Variants in PRKAR2B observed in about 807,000 individuals in gnomAD.
PRKAR2B encodes the protein cAMP-dependent protein kinase type II-beta regulatory subunit.
Under a neutral mutation model 49.9 loss-of-function variants are expected in PRKAR2B, and 14 were observed. That is an observed-to-expected ratio of 0.28 (90% CI 0.19 to 0.44). The LOEUF is 0.44. PRKAR2B is among the 20% of genes least tolerant of loss of function. The pLI is 1.00. For synonymous variants in PRKAR2B, 196 were observed against 197.7 expected, an observed-to-expected ratio of 0.99 and a Z score of 0.07; for missense variants, 393 against 537.9, an observed-to-expected ratio of 0.73 and a Z score of 2.67.
At chr7:107,077,118 GTATAAT>G (rs1403553774) in intron 2 of PRKAR2B, 1 of 152,034 alleles carries the variant, frequency 6.6e-6, no homozygotes, top group East Asian at 1.9e-4. Context: ...CAATTTGCTG[GTATAAT>G]TATAGTTACA....
intron 2 of PRKAR2B, among the ~76,000 whole-genome samples, chr7:107,114,324 CTGTGTGTGTGTGTGTGTGTGTGTG>C (rs58110858): frequency 3.4e-3 from 449 of 130,934 alleles, no homozygotes; most frequent in Middle Eastern, 7.5e-3. Context: ...GCATGTACAG[CTGTGTGTGTGTGTGTGTGTGTGTG>C]TGTGTGTGTG....
chr7:107,044,862 G>T lies in PRKAR2B; in HGVS notation c.-46G>T. 6.6e-7 allele frequency: 1 copy of T among 1,518,508 alleles called. No homozygotes were observed. The allele number at this position is 1,518,508 out of a possible 1,614,324, so 94.1% of individuals were successfully genotyped here. A position where few individuals can be genotyped will look rare whatever the true frequency, so the allele number is the denominator to read the frequency against. On this transcript the variant is annotated 5_prime_UTR_variant, in exon 1 of 11. Transcript: ENST00000265717. ...CCGCGGGGCCCTAGGCCGTGCCGGG[G>T]AGGGGGCGAGGGCGGCGCCCAGGCG...
chr7:107,147,648 C>T (rs1795917250), intron 6 of PRKAR2B, among the ~76,000 whole-genome samples: 1 of 152,182 alleles, frequency 6.6e-6, no homozygotes, highest in Admixed American at 6.5e-5. Flanking sequence ...CATCAGCTCC[C>T]AGGAGATGGC....
intron 1 of PRKAR2B, among the ~76,000 whole-genome samples, chr7:107,051,775 T>C (rs992120529): frequency 6.6e-6 from 1 of 152,210 alleles, no homozygotes; most frequent in Non-Finnish European, 1.5e-5. Context: ...GTTGCTGCTG[T>C]TTAAAAATGT....
At chr7:107,118,824 T>G (rs919315214) in intron 2 of PRKAR2B, among the ~76,000 whole-genome samples, 1 of 152,164 alleles carries the variant, frequency 6.6e-6, no homozygotes, top group African/African-American at 2.4e-5. Context: ...ATAAGGAGCT[T>G]TATAAGGCAC....
intron 1 of PRKAR2B, among the ~76,000 whole-genome samples, chr7:107,046,746 A>G (rs767744165): frequency 2.6e-5 from 4 of 152,168 alleles, no homozygotes; most frequent in South Asian, 2.1e-4. Flanking sequence ...TGCTCCTGAC[A>G]TGTTCGTGCA....
intron 1 of PRKAR2B, among the ~76,000 whole-genome samples, chr7:107,046,660 G>C (rs1003799054): frequency 4.6e-5 from 7 of 152,252 alleles, no homozygotes; most frequent in Middle Eastern, 3.4e-3. Context: ...AGAAAAGAAT[G>C]CATGTTTTAA....
At chr7:107,140,715 C>T in intron 4 of PRKAR2B, 132 bp from the exon 5 acceptor site, 1 of 548,938 alleles carries the variant, frequency 1.8e-6, no homozygotes, top group Non-Finnish European at 3.1e-6. Context: ...ATGTATTTTT[C>T]TGACAACATT....
At position 107,118,969 on chromosome 7, in the gene PRKAR2B, T is replaced by C. The variant is rs191977294; in HGVS notation, c.344-2983T>C. Among the ~76,000 whole-genome samples the C allele has an allele frequency of 4.0e-4, 61 of 152,292 alleles. 1 individual carries two copies. The highest frequency in any genetic ancestry group is 1.0e-4 in the Non-Finnish European group (7 of 68,024). On this transcript the variant is annotated intron_variant, in intron 2 of 10. Transcript: ENST00000265717. ...AAGTCCTTGTAGTACTGGCACAATGTATAGTTCAGTGAAACAGCCCAGAAA... is the reference window on the plus strand; with the variant it reads ...AAGTCCTTGTAGTACTGGCACAATGCATAGTTCAGTGAAACAGCCCAGAAA...
chr7:107,152,798 A>C (rs974158562), intron 7 of PRKAR2B, among the ~76,000 whole-genome samples: 1 of 152,238 alleles, frequency 6.6e-6, no homozygotes. Context: ...TTTAAATAAG[A>C]GTAGGTCAGG....
At chr7:107,097,829 A>T (rs868028052) in intron 2 of PRKAR2B, among the ~76,000 whole-genome samples, 1 of 152,164 alleles carries the variant, frequency 6.6e-6, no homozygotes, top group Non-Finnish European at 1.5e-5. Context: ...AGAATGTTGA[A>T]TATTGGCCCC....
chr7:107,053,048 TG>T (rs1198600778), intron 1 of PRKAR2B, among the ~76,000 whole-genome samples: 1 of 152,184 alleles, frequency 6.6e-6, no homozygotes, highest in Non-Finnish European at 1.5e-5. Context: ...AAGGCTGGTC[TG>T]GAACTCCTGG....
At chr7:107,086,023 C>T (rs1170848439) in intron 2 of PRKAR2B, among the ~76,000 whole-genome samples, 5 of 152,190 alleles carry the variant, frequency 3.3e-5, no homozygotes, top group Non-Finnish European at 7.3e-5. Context: ...TTAGGTTCAA[C>T]ACAGTGTAAA....
rs1037671543 is a variant in PRKAR2B, at chr7:107,083,681, C to T, written c.343+13365C>T. 3.3e-5 allele frequency among the ~76,000 whole-genome samples: 5 copies of T among 152,142 alleles called. No individual in the cohort carries two copies. The South Asian group carries it at 6.2e-4, about 19-fold the overall frequency. On this transcript the variant is annotated intron_variant, in intron 2 of 10. Transcript: ENST00000265717. ...AGGCTGGAGTGCAGTGGCATGATCT[C>T]GGCTCACTGCAACCTCCGCCTCCTG...
At chr7:107,074,050 G>T (rs1329370795) in intron 2 of PRKAR2B, among the ~76,000 whole-genome samples, 1 of 152,018 alleles carries the variant, frequency 6.6e-6, no homozygotes, top group African/African-American at 2.4e-5. Flanking sequence ...AACAGAGTGA[G>T]ACCCTGTCTC....
At chr7:107,090,404 AG>A (rs1405266813) in intron 2 of PRKAR2B, among the ~76,000 whole-genome samples, 2 of 152,322 alleles carry the variant, frequency 1.3e-5, no homozygotes, top group African/African-American at 4.8e-5. Flanking sequence ...CATTCTAATT[AG>A]CCCAGCTATC....
intron 4 of PRKAR2B, among the ~76,000 whole-genome samples, chr7:107,130,870 A>G (rs1239276610): frequency 6.6e-6 from 1 of 152,204 alleles, no homozygotes; most frequent in Non-Finnish European, 1.5e-5. Flanking sequence ...GGCTTTATTC[A>G]AGAAGTCTGT....
chr7:107,069,876 C>A (rs1302189468), intron 1 of PRKAR2B: 1 of 153,678 alleles, frequency 6.5e-6, no homozygotes, highest in Admixed American at 6.5e-5. Context: ...ATACATTGCT[C>A]TTTCCTTCAC....
chr7:107,101,200 G>A (rs1330895363), intron 2 of PRKAR2B, among the ~76,000 whole-genome samples: 2 of 142,886 alleles, frequency 1.4e-5, no homozygotes, highest in African/African-American at 5.4e-5. Context: ...CTTTGCCATG[G>A]TATGTGGCTG....
Sources: allele counts gnomAD v4.1 joint callset (sites outside exome capture counted in the v4.1 genomes callset), GRCh38; gene constraint gnomAD v4.1.1; transcripts MANE v1.5; gene names NCBI Gene and HGNC (gene_info 2026-07-23, HGNC 2026-07-21).